The following NCOA2 variants were observed in gnomAD, a reference collection of about 807,000 sequenced individuals.
NCOA2 encodes the protein nuclear receptor coactivator 2.
In NCOA2, 21 loss-of-function variants were observed where a neutral mutation model predicts 145.1. That is an observed-to-expected ratio of 0.14 (90% CI 0.10 to 0.21). NCOA2 has a LOEUF of 0.21. Ranked by LOEUF, NCOA2 falls within the 10% of genes least tolerant of loss-of-function variation. NCOA2 has a pLI of 1.00. For synonymous variants in NCOA2, 619 were observed against 637.5 expected, an observed-to-expected ratio of 0.97 and a Z score of 0.44; for missense variants, 1,472 against 1,837.6, an observed-to-expected ratio of 0.80 and a Z score of 3.64.
intron 4 of NCOA2, among the ~76,000 whole-genome samples, chr8:70,208,866 A>G (rs1017005186): frequency 3.3e-5 from 5 of 152,240 alleles, no homozygotes; most frequent in African/African-American, 1.2e-4. Context: ...GAAGATGTAC[A>G]AGGCCAAAAA....
chr8:70,217,601 T>G (rs1819748103), intron 2 of NCOA2, among the ~76,000 whole-genome samples: 1 of 152,014 alleles, frequency 6.6e-6, no homozygotes, highest in Non-Finnish European at 1.5e-5. Context: ...TCCTGCTTGC[T>G]GAATTCCTCT....
rs563198972 is a variant in NCOA2 at position 70,141,349 on chromosome 8, C to A, written c.2863G>T (p.Ala955Ser). ...ACTCTCACAGCCGAACTCTGCGGTG[C>A]CCATTCTCCAGATGGCATAGTAGGC... ...SRPTMPSGEW[A>S]PQSSAVRVTC... The change falls in exon 14 of 23, where the codon GCA (alanine) becomes TCA (serine). Residue 955 changes from alanine to serine, a missense_variant. Transcript: ENST00000452400. 3.1e-6 allele frequency: 5 copies of A among 1,613,802 alleles called. No individual in the cohort carries two copies. In the African/African-American group the frequency reaches 5.3e-5, roughly 17 times the overall value.
At chr8:70,155,487 A>T (rs1028881535) in intron 11 of NCOA2, among the ~76,000 whole-genome samples, 1 of 152,260 alleles carries the variant, frequency 6.6e-6, no homozygotes, top group African/African-American at 2.4e-5. Context: ...AACTACCACC[A>T]GCCTGTGGGC....
At chr8:70,289,033 AGAT>A (rs1324351172) in intron 2 of NCOA2, among the ~76,000 whole-genome samples, 5 of 152,236 alleles carry the variant, frequency 3.3e-5, no homozygotes, top group Non-Finnish European at 5.9e-5. Context: ...TTTGTCCAAT[AGAT>A]GTTTAAGTCA....
In NCOA2 at chr8:70,299,230, C is replaced by T. The variant is rs114425088; in HGVS notation, c.-76-2430G>A. Among the ~76,000 whole-genome samples, 1,414 of 152,068 alleles carry T rather than the reference C, an allele frequency of 9.3e-3. 22 individuals are homozygous for T. Among genetic ancestry groups the T allele is most frequent in the African/African-American group, 0.032 (1,318 of 41,480 alleles). ...CTTTTTTATAAGTTACTAAGAGAAACTAGTAGTCATTTAAAGCAAAAGTGG... is the reference window on the plus strand; with the variant it reads ...CTTTTTTATAAGTTACTAAGAGAAATTAGTAGTCATTTAAAGCAAAAGTGG... On this transcript the variant is annotated intron_variant, in intron 1 of 22. Transcript: ENST00000452400.
chr8:70,177,020 G>A (rs1456996607), intron 4 of NCOA2, among the ~76,000 whole-genome samples: 2 of 152,208 alleles, frequency 1.3e-5, no homozygotes, highest in Non-Finnish European at 2.9e-5. Flanking sequence ...TGTCTTCAGT[G>A]TTGCAGCAGT....
Position 70,396,279 on chromosome 8 carries a change from T to C in NCOA2, c.-77+7421A>G, listed in dbSNP as rs1813665329. Among the ~76,000 whole-genome samples the C allele has an allele frequency of 2.6e-5, 4 of 152,248 alleles. No homozygotes were observed. In the South Asian group the frequency reaches 8.3e-4, roughly 31 times the overall value. ...TCCTCTATAGTGCTCTGTCAATCTA[T>C]GTTCTACCTATCCCCCACAATCAAG... On this transcript the variant is annotated intron_variant, in intron 1 of 22. Coordinates refer to ENST00000452400, the MANE Select transcript of NCOA2 (RefSeq NM_006540.4).
chr8:70,292,007 G>A (rs141453286), intron 2 of NCOA2, among the ~76,000 whole-genome samples: 2,228 of 151,286 alleles, frequency 0.015, 57 homozygotes, highest in African/African-American at 0.052. Context: ...CCTGGGAGGC[G>A]GAGCTTGCAG....
the NCOA2 span, among the ~76,000 whole-genome samples, chr8:70,420,124 T>C: frequency 2.0e-5 from 3 of 152,184 alleles, no homozygotes; most frequent in Admixed American, 6.5e-5. Flanking sequence ...AATGAATGGA[T>C]AGTAAATAAA....
chr8:70,143,455 C>T (rs1490173726), intron 13 of NCOA2, among the ~76,000 whole-genome samples: 1 of 152,098 alleles, frequency 6.6e-6, no homozygotes, highest in East Asian at 1.9e-4. Context: ...TTATATAAAT[C>T]AATATTTTAT....
chr8:70,407,794 C>T (rs974026291), upstream of NCOA2, among the ~76,000 whole-genome samples: 1 of 151,870 alleles, frequency 6.6e-6, no homozygotes, highest in African/African-American at 2.4e-5. Flanking sequence ...GACTCTGTCT[C>T]CTAGAACATA....
At chr8:70,383,978 T>C (rs1269140247) in intron 1 of NCOA2, among the ~76,000 whole-genome samples, 1 of 152,208 alleles carries the variant, frequency 6.6e-6, no homozygotes, top group East Asian at 1.9e-4. Flanking sequence ...AATTTAGCTA[T>C]ACCAAGTTTT....
intron 1 of NCOA2, among the ~76,000 whole-genome samples, chr8:70,392,466 C>T (rs1402222320): frequency 6.6e-6 from 1 of 152,140 alleles, no homozygotes; most frequent in East Asian, 1.9e-4. Context: ...TTGGGAAGAA[C>T]GTTGAGAACA....
intron 2 of NCOA2, among the ~76,000 whole-genome samples, chr8:70,271,175 C>T (rs1042988803): frequency 6.6e-6 from 1 of 152,158 alleles, no homozygotes; most frequent in African/African-American, 2.4e-5. Flanking sequence ...TGTTTGCCAT[C>T]TTTCAAATAA....
At chr8:70,433,132 T>C in the NCOA2 span, among the ~76,000 whole-genome samples, 1 of 152,206 alleles carries the variant, frequency 6.6e-6, no homozygotes, top group African/African-American at 2.4e-5. Flanking sequence ...GTTTATTTTG[T>C]CTGCCCTCCC....
intron 5 of NCOA2, among the ~76,000 whole-genome samples, chr8:70,174,538 C>G (rs149025182): frequency 6.6e-6 from 1 of 152,274 alleles, no homozygotes; most frequent in East Asian, 1.9e-4. Context: ...CTACTCTAAT[C>G]TAGTTAATTT....
chr8:70,309,983 G>C (rs568382431), intron 1 of NCOA2, among the ~76,000 whole-genome samples: 5 of 151,428 alleles, frequency 3.3e-5, no homozygotes, highest in African/African-American at 1.2e-4. Flanking sequence ...ACAAAAAAAC[G>C]AAACCAAACA....
At chr8:70,194,676 C>CTTTTTTTTT (rs199803538) in intron 4 of NCOA2, among the ~76,000 whole-genome samples, 6 of 109,866 alleles carry the variant, frequency 5.5e-5, no homozygotes, top group African/African-American at 6.5e-5. Flanking sequence ...CTTTTATCTT[C>CTTTTTTTTT]TTTTTTTTTT....
intron 1 of NCOA2, among the ~76,000 whole-genome samples, chr8:70,398,121 C>T (rs1305572086): frequency 6.6e-6 from 1 of 152,014 alleles, no homozygotes; most frequent in Non-Finnish European, 1.5e-5. Flanking sequence ...ATGAATGAAG[C>T]AATAGTAAAG....
Sources: allele counts gnomAD v4.1 joint callset (sites outside exome capture counted in the v4.1 genomes callset), GRCh38; gene constraint gnomAD v4.1.1; transcripts MANE v1.5; gene names NCBI Gene and HGNC (gene_info 2026-07-23, HGNC 2026-07-21).